PRR16: variants seen among roughly 807,000 people sequenced by gnomAD.
PRR16 encodes proline rich 16.
In PRR16, 6 loss-of-function variants were observed where a neutral mutation model predicts 18.2. That is an observed-to-expected ratio of 0.33 (90% confidence interval 0.18 to 0.65). The LOEUF (loss-of-function observed/expected upper bound fraction) is 0.65, where lower values mean the gene tolerates loss of function less well. PRR16 is among the 30% of genes least tolerant of loss of function. The probability of loss-of-function intolerance (pLI) is 0.74; values close to 1 mark genes in which losing one functional copy is unlikely to be tolerated. For synonymous variants in PRR16, 151 were observed against 147.8 expected (o/e 1.02, Z -0.16); for missense variants, 412 against 376.6 (o/e 1.09, Z -0.78).
At chr5:120,616,181 G>C (rs1017163406) in intron 1 of PRR16, among the ~76,000 whole-genome samples, 4 of 152,118 alleles carry the variant, frequency 2.6e-5, no homozygotes, top group African/African-American at 9.7e-5. Context: ...AATTGAGCAA[G>C]CTGGATGATC....
the PRR16 span, among the ~76,000 whole-genome samples, chr5:120,786,175 G>A: frequency 6.6e-6 from 1 of 150,754 alleles, no homozygotes; most frequent in South Asian, 2.1e-4. Context: ...TGTCTGTTTG[G>A]TAATCTAAAT....
At chr5:120,670,899 TC>T (rs1756578901) in intron 1 of PRR16, among the ~76,000 whole-genome samples, 1 of 152,164 alleles carries the variant, frequency 6.6e-6, no homozygotes, top group African/African-American at 2.4e-5. Flanking sequence ...ACAAGAATAA[TC>T]CTTTTTTTAT....
chr5:120,484,795 A>G (rs1749738835), intron 1 of PRR16, among the ~76,000 whole-genome samples: 2 of 150,852 alleles, frequency 1.3e-5, no homozygotes. Flanking sequence ...TGTGTCATAT[A>G]TATTTTTTTC....
intron 1 of PRR16, among the ~76,000 whole-genome samples, chr5:120,671,491 A>G (rs1035889454): frequency 2.0e-4 from 31 of 152,120 alleles, no homozygotes; most frequent in Admixed American, 9.2e-4. Flanking sequence ...GTGAAAATAT[A>G]TGCCTGAGAT....
chr5:120,647,960 T>C (rs1440721747), intron 1 of PRR16, among the ~76,000 whole-genome samples: 1 of 152,064 alleles, frequency 6.6e-6, no homozygotes, highest in African/African-American at 2.4e-5. Context: ...AGAGGACTTA[T>C]TACACTATTA....
intron 1 of PRR16, among the ~76,000 whole-genome samples, chr5:120,668,434 G>T (rs1756473334): frequency 6.7e-6 from 1 of 149,582 alleles, no homozygotes; most frequent in South Asian, 2.2e-4. Context: ...TCTTTTAATT[G>T]GAGCATTTAG....
chr5:120,743,948 A>G, the PRR16 span, among the ~76,000 whole-genome samples: 1 of 151,988 alleles, frequency 6.6e-6, no homozygotes, highest in Non-Finnish European at 1.5e-5. Flanking sequence ...ATTCAGTAGC[A>G]GTGTAGCATT....
At chr5:120,632,531 A>G (rs1326079252) in intron 1 of PRR16, among the ~76,000 whole-genome samples, 1 of 152,158 alleles carries the variant, frequency 6.6e-6, no homozygotes, top group East Asian at 1.9e-4. Context: ...ATAAATTAAA[A>G]AAAAATCATA....
chr5:120,544,452 A>G lies in PRR16; in HGVS notation c.159+79807A>G, dbSNP rs530748891. 2.0e-5 allele frequency among the ~76,000 whole-genome samples: 3 copies of G among 152,254 alleles called. No homozygotes were observed. The East Asian group carries it at 5.8e-4, about 29-fold the overall frequency. On this transcript the variant is annotated intron_variant, in intron 1 of 1. Transcript: ENST00000407149. ...ACTTCAAACATTTTTGCTCATTCCAACATTAAGCAATGCCTTTCTCATCAA... is the reference window on the plus strand; with the variant it reads ...ACTTCAAACATTTTTGCTCATTCCAGCATTAAGCAATGCCTTTCTCATCAA...
At chr5:120,532,516 T>C (rs1383183184) in intron 1 of PRR16, among the ~76,000 whole-genome samples, 1 of 152,080 alleles carries the variant, frequency 6.6e-6, no homozygotes, top group Non-Finnish European at 1.5e-5. Flanking sequence ...TTGAATCTTA[T>C]ATGACATCAG....
the PRR16 span, among the ~76,000 whole-genome samples, chr5:120,701,354 C>T: frequency 6.6e-6 from 1 of 152,068 alleles, no homozygotes; most frequent in Admixed American, 6.5e-5. Context: ...TGTAAAGTGT[C>T]TCAGGGTTGC....
the PRR16 span, among the ~76,000 whole-genome samples, chr5:120,792,163 T>C: frequency 1.3e-5 from 2 of 152,170 alleles, no homozygotes; most frequent in Non-Finnish European, 2.9e-5. Context: ...ATATAGTTCT[T>C]TATTTTGTGC....
downstream of PRR16, among the ~76,000 whole-genome samples, chr5:120,690,862 A>G (rs974218191): frequency 6.6e-6 from 1 of 152,108 alleles, no homozygotes; most frequent in Non-Finnish European, 1.5e-5. Flanking sequence ...ATTCTGATCT[A>G]CTGGGGAAAA....
chr5:120,728,026 G>T, the PRR16 span, among the ~76,000 whole-genome samples: 1 of 151,718 alleles, frequency 6.6e-6, no homozygotes, highest in African/African-American at 2.4e-5. Flanking sequence ...TTGAAAGTAG[G>T]GGCAGTGTTT....
chr5:120,735,663 T>TTTGTTGTTGTTG, the PRR16 span, among the ~76,000 whole-genome samples: 3 of 151,646 alleles, frequency 2.0e-5, no homozygotes, highest in East Asian at 1.9e-4. Context: ...TACTCATATT[T>TTTGTTGTTGTTG]TTGTTGTTGT....
chr5:120,484,438 T>A (rs1336054306), intron 1 of PRR16, among the ~76,000 whole-genome samples: 1 of 145,498 alleles, frequency 6.9e-6, no homozygotes, highest in African/African-American at 2.5e-5. Flanking sequence ...ATATATACCT[T>A]ATATGTTAGA....
chr5:120,617,817 A>T (rs767486940), intron 1 of PRR16, among the ~76,000 whole-genome samples: 59 of 152,300 alleles, frequency 3.9e-4, no homozygotes, highest in African/African-American at 1.3e-3. Flanking sequence ...TGGTTATGCC[A>T]TATGTGACCA....
At chr5:120,547,754 C>A (rs960411914) in intron 1 of PRR16, among the ~76,000 whole-genome samples, 1 of 151,964 alleles carries the variant, frequency 6.6e-6, no homozygotes, top group Non-Finnish European at 1.5e-5. Flanking sequence ...TACTGTGAGA[C>A]TTGTAAACAT....
the PRR16 span, among the ~76,000 whole-genome samples, chr5:120,761,410 TAGACTATATCTCAA>T: frequency 3.9e-5 from 6 of 152,116 alleles, no homozygotes; most frequent in Admixed American, 3.9e-4. Context: ...AAACTACCCC[TAGACTATATCTCAA>T]AGACTATATC....
Sources: gnomAD v4.1 joint callset for allele counts (sites outside exome capture counted in the v4.1 genomes callset) on GRCh38, gnomAD v4.1.1 for gene constraint, MANE v1.5 for transcripts, NCBI Gene and HGNC (gene_info 2026-07-23, HGNC 2026-07-21) for gene names.